The following GTF3C5 variants were observed in gnomAD, a reference collection of about 807,000 sequenced individuals.
GTF3C5 encodes the protein general transcription factor IIIC subunit 5, also known as general transcription factor 3C polypeptide 5.
Under a neutral mutation model 61.0 loss-of-function variants are expected in GTF3C5, and 47 were observed. That is an observed-to-expected ratio of 0.77 (90% CI 0.61 to 0.98). The LOEUF is 0.98. Ranked by LOEUF, GTF3C5 falls within the 50% of genes least tolerant of loss-of-function variation. The pLI is 0.00. For missense variants in GTF3C5, 659 were observed against 703.3 expected, an observed-to-expected ratio of 0.94 and a Z score of 0.71; for synonymous variants, 295 against 275.4, an observed-to-expected ratio of 1.07 and a Z score of -0.71.
At chr9:133,055,068 G>A (rs899920886) in intron 8 of GTF3C5, 2 of 1,551,392 alleles carry the variant, frequency 1.3e-6, no homozygotes, top group South Asian at 1.2e-5. Flanking sequence ...GCTGCATGTG[G>A]TTGTCCTTCT....
At position 133,054,505 on chromosome 9, in the gene GTF3C5, C is replaced by T; in HGVS notation, c.1069+17C>T. 2 of 1,611,176 alleles carry T rather than the reference C, an allele frequency of 1.2e-6. No individual in the cohort carries two copies. The highest frequency in any genetic ancestry group is 1.7e-6 in the Non-Finnish European group (2 of 1,177,386). On this transcript the variant is annotated intron_variant, in intron 7 of 10. Transcript: ENST00000372097. ...AGAAGACATGTAAGCGTGCCAGGCG[C>T]CTTTTGTGGGTCATGAGTGATTTGC...
chr9:133,036,440 A>G (rs780901590), intron 1 of GTF3C5, among the ~76,000 whole-genome samples: 2 of 152,172 alleles, frequency 1.3e-5, no homozygotes, highest in Non-Finnish European at 2.9e-5. Flanking sequence ...CGTAGCCGCA[A>G]TGGATTGAAT....
Position 133,038,001 on chromosome 9 carries a change from G to A in GTF3C5, c.154-4086G>A, listed in dbSNP as rs538219923. On this transcript the variant is annotated intron_variant, in intron 1 of 10. Coordinates refer to ENST00000372097, the MANE Select transcript of GTF3C5 (RefSeq NM_012087.4). ...TTGTCCCACTGGCTGGAGTTGGACCGCACAATCTAAGCTGATCTCGATTGG... is the reference window on the plus strand; with the variant it reads ...TTGTCCCACTGGCTGGAGTTGGACCACACAATCTAAGCTGATCTCGATTGG... Among the ~76,000 whole-genome samples the A allele has an allele frequency of 2.8e-4, 43 of 152,282 alleles. No homozygotes were observed. In the South Asian group the frequency reaches 4.6e-3, roughly 16 times the overall value.
chr9:133,057,890 TGAG>T lies in GTF3C5; in HGVS notation c.1482_1484del (p.Glu499del), dbSNP rs759048355. ...ACGAGTCTGGGGAAGACGAGGAGGATGAGGAGGAGGAGGAAGAGGAGGAGGAGG... is the reference window on the plus strand; with the variant it reads ...ACGAGTCTGGGGAAGACGAGGAGGATGAGGAGGAGGAAGAGGAGGAGGAGG... On this transcript the variant is annotated inframe_deletion, in exon 11 of 11. Coordinates refer to ENST00000372097, the MANE Select transcript of GTF3C5 (RefSeq NM_012087.4). The T allele has an allele frequency of 2.4e-5, 38 of 1,611,334 alleles. No individual in the cohort carries two copies. The highest frequency in any genetic ancestry group is 6.7e-5 in the Admixed American group (4 of 59,912).
intron 4 of GTF3C5, 35 bp from the exon 5 acceptor site, chr9:133,052,025 G>C: frequency 1.7e-6 from 2 of 1,143,456 alleles, no homozygotes; most frequent in East Asian, 2.4e-5. Context: ...GAAGCTGCTG[G>C]TGCTCATCTC....
intron 3 of GTF3C5, among the ~76,000 whole-genome samples, chr9:133,046,985 C>T (rs1323085872): frequency 6.6e-6 from 1 of 152,130 alleles, no homozygotes; most frequent in African/African-American, 2.4e-5. Flanking sequence ...TCCGGAAAAG[C>T]ATTGCAGAAA....
rs140608884 is a variant in GTF3C5, at chr9:133,049,058, T to C, written c.573-1725T>C. On this transcript the variant is annotated intron_variant, in intron 3 of 10. Coordinates refer to ENST00000372097, the MANE Select transcript of GTF3C5 (RefSeq NM_012087.4). ...GGTGGCCTGACGGGGTCGTCCTAACTGGAGGATGGTGGGTCCCTCCTGTTC... is the reference window on the plus strand; with the variant it reads ...GGTGGCCTGACGGGGTCGTCCTAACCGGAGGATGGTGGGTCCCTCCTGTTC... Among the ~76,000 whole-genome samples the C allele has an allele frequency of 1.2e-3, 188 of 152,292 alleles. 1 individual carries two copies. The highest frequency in any genetic ancestry group is 3.4e-3 in the Middle Eastern group (1 of 294).
chr9:133,057,713 C>A (rs1387498402), intron 10 of GTF3C5, 101 bp from the exon 11 acceptor site: 3 of 1,131,480 alleles, frequency 2.7e-6, no homozygotes, highest in East Asian at 5.0e-5. Context: ...CGAGCTCGGA[C>A]CCTTATAGTA....
intron 2 of GTF3C5, 57 bp from the exon 3 acceptor site, chr9:133,043,671 G>A (rs775898892): frequency 9.6e-5 from 133 of 1,388,154 alleles, no homozygotes; most frequent in Non-Finnish European, 1.3e-4. Flanking sequence ...GTGTCGGTGT[G>A]TGGCAGCTGC....
At position 133,050,694 on chromosome 9, in the gene GTF3C5, G is replaced by A. The variant is rs1850343779; in HGVS notation, c.573-89G>A. ...GGCACACGGTGGCTGTGGGCCTTGGGGGGTTCTGGGCTCCCTGCCTGGTCT... is the reference window on the plus strand; with the variant it reads ...GGCACACGGTGGCTGTGGGCCTTGGAGGGTTCTGGGCTCCCTGCCTGGTCT... On this transcript the variant is annotated intron_variant, in intron 3 of 10. Transcript: ENST00000372097. The A allele has an allele frequency of 1.9e-5, 17 of 912,044 alleles. No homozygotes were observed. In the South Asian group the frequency reaches 2.2e-4, roughly 12 times the overall value. 56.5% of individuals were successfully genotyped at this position (912,044 alleles called of 1,614,324 possible). A position where few individuals can be genotyped will look rare whatever the true frequency, so the allele number is the denominator to read the frequency against.
At chr9:133,030,852 T>C (rs1849703782), upstream of GTF3C5, 1 of 810,110 alleles carries the variant, frequency 1.2e-6, no homozygotes, top group African/African-American at 1.7e-5. Flanking sequence ...CCATGGGCCA[T>C]TTGCTCCCTG....
chr9:133,031,002 A>ATGG lies in GTF3C5; in HGVS notation c.-10_-9insTGG. 6.2e-7 allele frequency: 1 copy of ATGG among 1,612,312 alleles called. No homozygotes were observed. On this transcript the variant is annotated 5_prime_UTR_variant, in exon 1 of 11. The change creates a new upstream start codon in the 5' untranslated region. Transcript: ENST00000372097. ...GACGGACCCTGGCGGGCCCTGCCAG[A>ATGG]CGCACAGGGATGGCGGCGGAGGCGG...
At position 133,058,163 on chromosome 9, in the gene GTF3C5, CT is replaced by C. The variant is rs1829996086; in HGVS notation, c.*184del. ...ACTGGCTGTGACATGCTGCTTGGTG[CT>C]GCCTCTGGTCCTGAGGGGTTAGGGA... On this transcript the variant is annotated 3_prime_UTR_variant, in exon 11 of 11. Coordinates refer to ENST00000372097, the MANE Select transcript of GTF3C5 (RefSeq NM_012087.4). 4.2e-6 allele frequency: 6 copies of C among 1,429,014 alleles called. No individual in the cohort carries two copies. The South Asian group carries it at 8.8e-5, about 21-fold the overall frequency. The allele number at this position is 1,429,014 out of a possible 1,614,324, so 88.5% of individuals were successfully genotyped here.
At chr9:133,039,169 A>T (rs1016885739) in intron 1 of GTF3C5, among the ~76,000 whole-genome samples, 1 of 152,210 alleles carries the variant, frequency 6.6e-6, no homozygotes, top group Non-Finnish European at 1.5e-5. Flanking sequence ...GTCTCTTTAG[A>T]GAAGTTTTCC....
At chr9:133,034,301 A>G (rs1037694770) in intron 1 of GTF3C5, among the ~76,000 whole-genome samples, 4 of 152,142 alleles carry the variant, frequency 2.6e-5, no homozygotes, top group African/African-American at 9.7e-5. Flanking sequence ...TTAAGGCTCC[A>G]TACTTATACT....
At chr9:133,054,951 T>G in intron 8 of GTF3C5, 142 bp downstream of exon 8, 1 of 1,551,370 alleles carries the variant, frequency 6.4e-7, no homozygotes, top group Middle Eastern at 1.7e-4. Context: ...TAGGTCAGCC[T>G]TCAGACACTG....
intron 1 of GTF3C5, among the ~76,000 whole-genome samples, chr9:133,033,946 G>A (rs1457600807): frequency 6.6e-6 from 1 of 152,088 alleles, no homozygotes; most frequent in Non-Finnish European, 1.5e-5. Flanking sequence ...AGAGCGTTGG[G>A]TCCCATACGT....
chr9:133,040,460 A>G (rs1389013309), intron 1 of GTF3C5, among the ~76,000 whole-genome samples: 5 of 152,312 alleles, frequency 3.3e-5, no homozygotes, highest in African/African-American at 1.2e-4. Flanking sequence ...TTGAATGTCT[A>G]CCATGAGTTA....
intron 9 of GTF3C5, among the ~76,000 whole-genome samples, chr9:133,056,322 A>G (rs1829937808): frequency 6.6e-6 from 1 of 152,310 alleles, no homozygotes; most frequent in East Asian, 1.9e-4. Context: ...TCTTACTGTT[A>G]TGTCCTTGCT....
Sources: gnomAD v4.1 joint callset for allele counts (sites outside exome capture counted in the v4.1 genomes callset) on GRCh38, gnomAD v4.1.1 for gene constraint, MANE v1.5 for transcripts, NCBI Gene and HGNC (gene_info 2026-07-23, HGNC 2026-07-21) for gene names.